The following ADNP variants were observed in gnomAD, a reference collection of about 807,000 sequenced individuals.
The protein encoded by ADNP is activity dependent neuroprotector homeobox.
A neutral mutation model predicts 84.9 loss-of-function variants in ADNP; 4 were observed. The observed-to-expected ratio is 0.05, with a 90% CI of 0.02 to 0.11. ADNP has a LOEUF of 0.11. Among genes scored for constraint, ADNP ranks in the 10% least tolerant of loss-of-function variants. The pLI, the probability that ADNP is intolerant of heterozygous loss-of-function variation, is 1.00. For missense variants in ADNP, 1,132 were observed against 1,326.0 expected (o/e 0.85, Z 2.27); for synonymous variants, 554 against 468.1 (o/e 1.18, Z -2.37).
intron 2 of ADNP, among the ~76,000 whole-genome samples, chr20:50,928,045 G>A (rs1261062690): frequency 1.3e-5 from 2 of 152,160 alleles, no homozygotes; most frequent in Non-Finnish European, 2.9e-5. Context: ...CAATGACTAA[G>A]AAATTGTAGA....
intron 5 of ADNP, among the ~76,000 whole-genome samples, chr20:50,898,309 C>T (rs1327639137): frequency 6.6e-6 from 1 of 152,172 alleles, no homozygotes; most frequent in African/African-American, 2.4e-5. Context: ...AACTAGCAGT[C>T]AATTCAACAT....
chr20:50,930,022 G>A (rs1234422501), intron 1 of ADNP, among the ~76,000 whole-genome samples: 2 of 152,060 alleles, frequency 1.3e-5, no homozygotes, highest in African/African-American at 4.8e-5. Flanking sequence ...GCCTTTTCCA[G>A]CAGACAGGGA....
chr20:50,903,858 T>G lies in ADNP; in HGVS notation c.108+31A>C, dbSNP rs146383815. 4.6e-6 allele frequency: 7 copies of G among 1,512,418 alleles called. No homozygotes were observed. The African/African-American group carries it at 9.6e-5, about 21-fold the overall frequency. The allele number at this position is 1,512,418 out of a possible 1,614,324, so 93.7% of individuals were successfully genotyped here. On this transcript the variant is annotated intron_variant, in intron 4 of 5. Transcript: ENST00000621696. ...AAGTAATGGATCAGAAGCTGAGTCA[T>G]GTTAAAATTTAAAAATGACATGCTA... is the stretch of plus-strand genomic sequence containing the variant.
intron 2 of ADNP, among the ~76,000 whole-genome samples, chr20:50,911,500 C>T (rs928586589): frequency 2.0e-5 from 3 of 148,548 alleles, no homozygotes; most frequent in Admixed American, 6.7e-5. Flanking sequence ...ACCCAGATTT[C>T]TTTTCTTTTC....
At chr20:50,914,655 ATTCCGTGGCTG>A (rs569112357) in intron 2 of ADNP, among the ~76,000 whole-genome samples, 99 of 152,292 alleles carry the variant, frequency 6.5e-4, no homozygotes, top group Middle Eastern at 3.4e-3. Flanking sequence ...TGAGTAAGTG[ATTCCGTGGCTG>A]TTGTTAATCT....
At chr20:50,904,121 CTCA>C (rs1288941496) in intron 3 of ADNP, 120 bp from the exon 4 acceptor site, 1 of 703,996 alleles carries the variant, frequency 1.4e-6, no homozygotes, top group Non-Finnish European at 2.4e-6. Flanking sequence ...CATAGATATC[CTCA>C]TCTAGTGTGT....
Position 50,894,199 on chromosome 20 carries a change from T to G in ADNP, c.515A>C (p.Tyr172Ser). ...QAVYYCKKCT[Y>S]RDPLYEIVRK... ...AACTATTTCATAAAGAGGATCTCGG[T>G]AAGTGCACTTCTTACAGTAATAAAC... Residue 172 changes from tyrosine to serine, a missense_variant, in exon 6 of 6, where the codon TAC becomes TCC. Around this residue, in one of 10 missense-constraint regions of ADNP, gnomAD observed 130 missense variants for 183.7 expected, o/e 0.71. Transcript: ENST00000621696. The G allele has an allele frequency of 6.2e-7, 1 of 1,614,168 alleles. No homozygotes were observed. The highest frequency in any genetic ancestry group is 8.5e-7 in the Non-Finnish European group (1 of 1,180,002).
rs1457339412 is a variant in ADNP, at chr20:50,890,845, C to T, written c.*560G>A. Reference sequence around the variant, plus strand: ...CTTTTGCTAGGTAAACTAGATAGAGCGTTTATTACACAGCAAGGGCAACAC... The same window carrying T: ...CTTTTGCTAGGTAAACTAGATAGAGTGTTTATTACACAGCAAGGGCAACAC... On this transcript the variant is annotated 3_prime_UTR_variant, in exon 6 of 6. Coordinates refer to ENST00000621696, the MANE Select transcript of ADNP (RefSeq NM_001282531.3). The T allele has an allele frequency of 3.9e-5, 34 of 876,482 alleles. No homozygotes were observed. The highest frequency in any genetic ancestry group is 5.8e-4 in the Middle Eastern group (1 of 1,714). 54.3% of individuals were successfully genotyped at this position (876,482 alleles called of 1,614,324 possible).
Position 50,890,056 on chromosome 20 carries a change from C to T in ADNP, c.*1349G>A, listed in dbSNP as rs1312995554. ...TACATTTTTTTTTTTATCATTGAGA[C>T]ATTTACATATATATGCAGGCTCTGC... On this transcript the variant is annotated 3_prime_UTR_variant, in exon 6 of 6. Coordinates refer to ENST00000621696, the MANE Select transcript of ADNP (RefSeq NM_001282531.3). 2.0e-5 allele frequency: 5 copies of T among 254,076 alleles called. No homozygotes were observed. Among genetic ancestry groups the T allele is most frequent in the African/African-American group, 9.6e-5 (4 of 41,820 alleles). 15.7% of individuals were successfully genotyped at this position (254,076 alleles called of 1,614,324 possible).
intron 1 of ADNP, among the ~76,000 whole-genome samples, chr20:50,930,047 G>A (rs1984570320): frequency 6.6e-6 from 1 of 152,046 alleles, no homozygotes; most frequent in African/African-American, 2.4e-5. Context: ...GGTTGGGGGG[G>A]AGGGGAAGGC....
chr20:50,893,653 T>G lies in ADNP; in HGVS notation c.1061A>C (p.Asn354Thr), dbSNP rs866056890. 2 of 1,614,058 alleles carry G rather than the reference T, an allele frequency of 1.2e-6. No individual in the cohort carries two copies. Among genetic ancestry groups the G allele is most frequent in the African/African-American group, 2.7e-5 (2 of 74,928 alleles). The change falls in exon 6 of 6, where the codon AAC becomes ACC. Residue 354 changes from asparagine (N) to threonine (T), a missense_variant. Around this residue, in one of 10 missense-constraint regions of ADNP, gnomAD observed 239 missense variants for 213.2 expected, o/e 1.12. Coordinates refer to ENST00000621696, the MANE Select transcript of ADNP (RefSeq NM_001282531.3). The surrounding 1 kb of genome is among the most constrained non-coding windows in gnomAD (Gnocchi z 4.4). ...GQSMRLGLGGNAPVSIPQQSQ... is the reference protein window; with the variant it reads ...GQSMRLGLGGTAPVSIPQQSQ... Reference sequence around the variant, plus strand: ...TTGTTGAGGAATGGAAACTGGTGCGTTGCCACCTAGACCCAGTCTCATTGA... The same window carrying G: ...TTGTTGAGGAATGGAAACTGGTGCGGTGCCACCTAGACCCAGTCTCATTGA...
chr20:50,927,554 G>A (rs1038454191), intron 2 of ADNP, among the ~76,000 whole-genome samples: 1 of 135,802 alleles, frequency 7.4e-6, no homozygotes, highest in African/African-American at 3.0e-5. Context: ...AAGCCCAATT[G>A]TTTCACTTTT....
intron 5 of ADNP, among the ~76,000 whole-genome samples, chr20:50,900,206 A>C (rs1003060265): frequency 7.9e-5 from 12 of 152,172 alleles, no homozygotes; most frequent in Non-Finnish European, 1.5e-5. Flanking sequence ...CTATGTTTAG[A>C]AACACAAATA....
rs1981111808 is a variant in ADNP at position 50,893,954 on chromosome 20, T to C, written c.760A>G (p.Met254Val). Residue 254 changes from methionine to valine, a missense_variant, in exon 6 of 6, where the codon ATG (methionine) becomes GTG (valine). Transcript: ENST00000621696. The surrounding 1 kb of genome is among the most constrained non-coding windows in gnomAD (Gnocchi z 4.4). ...ACCACTACATTTGTGTGCCCAATCA[T>C]GGCAGTGACCTGATAGCCTATACGT... ...HERIGYQVTA[M>V]IGHTNVVVPR... 1.2e-6 allele frequency: 2 copies of C among 1,614,180 alleles called. No homozygotes were observed. Among genetic ancestry groups the C allele is most frequent in the Non-Finnish European group, 8.5e-7 (1 of 1,179,994 alleles).
intron 2 of ADNP, among the ~76,000 whole-genome samples, chr20:50,922,453 G>A (rs993434146): frequency 5.3e-5 from 8 of 151,576 alleles, no homozygotes; most frequent in Admixed American, 3.3e-4. Flanking sequence ...TATGTTTACC[G>A]GTTTATTATA....
chr20:50,925,261 T>TACACACACACACAC (rs1292426786), intron 2 of ADNP, among the ~76,000 whole-genome samples: 1 of 82,606 alleles, frequency 1.2e-5, no homozygotes, highest in African/African-American at 9.0e-5. Context: ...TGTGACTTCC[T>TACACACACACACAC]ATACACACAC....
intron 2 of ADNP, among the ~76,000 whole-genome samples, chr20:50,917,231 T>C (rs1983577340): frequency 6.6e-6 from 1 of 152,172 alleles, no homozygotes; most frequent in Non-Finnish European, 1.5e-5. Flanking sequence ...ATACCCAAGG[T>C]TGAAATGGTC....
chr20:50,898,654 C>CT (rs1405650487), intron 5 of ADNP, among the ~76,000 whole-genome samples: 1 of 152,236 alleles, frequency 6.6e-6, no homozygotes, highest in African/African-American at 2.4e-5. Context: ...CCAGGTCAAT[C>CT]ACTCAACATG....
chr20:50,902,992 T>C (rs376133072), intron 4 of ADNP, among the ~76,000 whole-genome samples: 16 of 152,240 alleles, frequency 1.1e-4, no homozygotes, highest in African/African-American at 3.9e-4. Context: ...TCAAGTATTA[T>C]TAGTGGAACT....
Sources: gnomAD v4.1 joint callset for allele counts (sites outside exome capture counted in the v4.1 genomes callset) on GRCh38, gnomAD v4.1.1 for gene constraint, gnomAD v4.1.1 regional missense constraint, Gnocchi (gnomAD v3.1) non-coding constraint, MANE v1.5 for transcripts, NCBI Gene and HGNC (gene_info 2026-07-23, HGNC 2026-07-21) for gene names.